The following OSBPL3 variants were observed in gnomAD, a reference collection of about 807,000 sequenced individuals.
OSBPL3 encodes oxysterol binding protein like 3.
Under a neutral mutation model 120.1 loss-of-function variants are expected in OSBPL3, and 65 were observed. The ratio of observed to expected loss-of-function variants is 0.54; its 90% CI spans 0.44 to 0.67. OSBPL3 has a LOEUF of 0.67. Ranked by LOEUF, OSBPL3 falls within the 30% of genes least tolerant of loss-of-function variation. OSBPL3 has a pLI of 0.00. For synonymous variants in OSBPL3, 416 were observed against 402.6 expected, an observed-to-expected ratio of 1.03 and a Z score of -0.40; for missense variants, 1,004 against 1,082.1, an observed-to-expected ratio of 0.93 and a Z score of 1.01.
chr7:24,880,534 A>T (rs1803527870), intron 2 of OSBPL3, among the ~76,000 whole-genome samples: 1 of 152,178 alleles, frequency 6.6e-6, no homozygotes, highest in African/African-American at 2.4e-5. Context: ...CACCCAAGTG[A>T]CTCAAGGGTC....
At chr7:24,832,509 CAAAGAA>C (rs1325235776) in intron 15 of OSBPL3, among the ~76,000 whole-genome samples, 2 of 96,688 alleles carry the variant, frequency 2.1e-5, no homozygotes, top group African/African-American at 7.4e-5. Flanking sequence ...GACTCTGCCT[CAAAGAA>C]AAAAAAAAAA....
intron 1 of OSBPL3, among the ~76,000 whole-genome samples, chr7:24,917,449 A>ATTTG (rs1462268125): frequency 8.4e-6 from 1 of 119,718 alleles, no homozygotes; most frequent in South Asian, 3.1e-4. Flanking sequence ...ATATATATAC[A>ATTTG]CACACATATA....
chr7:24,869,446 T>C (rs1348911719), intron 5 of OSBPL3, among the ~76,000 whole-genome samples: 1 of 152,190 alleles, frequency 6.6e-6, no homozygotes, highest in African/African-American at 2.4e-5. Context: ...TATCTTAAGA[T>C]ATAGGCTTTT....
chr7:24,962,315 G>C (rs1220223603), intron 1 of OSBPL3, among the ~76,000 whole-genome samples: 1 of 147,956 alleles, frequency 6.8e-6, no homozygotes, highest in East Asian at 2.0e-4. Context: ...AATAAAGAAA[G>C]AAAGACAGAA....
chr7:24,844,427 T>C lies in OSBPL3; in HGVS notation c.1267-2014A>G, dbSNP rs1798151864. On this transcript the variant is annotated intron_variant, in intron 12 of 22. Transcript: ENST00000313367. Reference sequence around the variant, plus strand: ...CTATCATTAGTGTTAGTGTATCTTATGTGTAGCCCACAACAATTCTTCTTC... The same window carrying C: ...CTATCATTAGTGTTAGTGTATCTTACGTGTAGCCCACAACAATTCTTCTTC... Among the ~76,000 whole-genome samples the C allele has an allele frequency of 2.0e-5, 3 of 152,032 alleles. No homozygotes were observed. The South Asian group carries it at 6.2e-4, about 31-fold the overall frequency.
Position 24,863,139 on chromosome 7 carries a change from C to T in OSBPL3, c.870+61G>A. 8.4e-7 allele frequency: 1 copy of T among 1,197,334 alleles called. No homozygotes were observed. Among genetic ancestry groups the T allele is most frequent in the East Asian group, 2.3e-5 (1 of 42,956 alleles). 74.2% of individuals were successfully genotyped at this position (1,197,334 alleles called of 1,614,324 possible). A position where few individuals can be genotyped will look rare whatever the true frequency, so the allele number is the denominator to read the frequency against. ...CTAGCTGAGTCAAGGTAGCTGCTGG[C>T]ACACGGCATGCAGAGCAGGGCCAAT... On this transcript the variant is annotated intron_variant, in intron 9 of 22. Coordinates refer to ENST00000313367, the MANE Select transcript of OSBPL3 (RefSeq NM_015550.4). The surrounding 1 kb of genome is among the most constrained non-coding windows in gnomAD (Gnocchi z 5.8).
chr7:24,873,235 G>A lies in OSBPL3; in HGVS notation c.97-1166C>T, dbSNP rs1341135171. ...GACAGTGAGTCTGAACCAGCACCAG[G>A]GAGCAGGAGGCAGTTAGATTCAAGT... On this transcript the variant is annotated intron_variant, in intron 2 of 22. Coordinates refer to ENST00000313367, the MANE Select transcript of OSBPL3 (RefSeq NM_015550.4). The surrounding 1 kb of genome is among the most constrained non-coding windows in gnomAD (Gnocchi z 4.1). Among the ~76,000 whole-genome samples the A allele has an allele frequency of 6.6e-6, 1 of 152,174 alleles. No homozygotes were observed. Among genetic ancestry groups the A allele is most frequent in the Admixed American group, 6.5e-5 (1 of 15,276 alleles).
chr7:24,855,871 C>T lies in OSBPL3; in HGVS notation c.1028-3237G>A, dbSNP rs1165566839. The stretch of plus-strand genomic sequence containing the variant: ...CAATAAATAAAGCCACACAGAAAAT[C>T]TTAGATGCTCAGAGATTACCAAAGC... On this transcript the variant is annotated intron_variant, in intron 10 of 22. Coordinates refer to ENST00000313367, the MANE Select transcript of OSBPL3 (RefSeq NM_015550.4). The surrounding 1 kb of genome is among the most constrained non-coding windows in gnomAD (Gnocchi z 4.3). Among the ~76,000 whole-genome samples the T allele has an allele frequency of 1.3e-5, 2 of 152,160 alleles. No homozygotes were observed.
chr7:24,903,287 AAAT>A (rs754636138), intron 1 of OSBPL3, among the ~76,000 whole-genome samples: 2 of 152,210 alleles, frequency 1.3e-5, no homozygotes, highest in Admixed American at 6.5e-5. Flanking sequence ...TCACACTCAC[AAAT>A]AATAGCCTCT....
Position 24,936,132 on chromosome 7 carries a change from C to A in OSBPL3, c.-149-43511G>T, listed in dbSNP as rs1584672728. Among the ~76,000 whole-genome samples, 2 of 150,898 alleles carry A rather than the reference C, an allele frequency of 1.3e-5. No homozygotes were observed. Among genetic ancestry groups the A allele is most frequent in the Admixed American group, 1.3e-4 (2 of 15,124 alleles). On this transcript the variant is annotated intron_variant, in intron 1 of 22. Coordinates refer to ENST00000313367, the MANE Select transcript of OSBPL3 (RefSeq NM_015550.4). This position sits in a 1 kb window ranked among gnomAD's most constrained non-coding sequence, Gnocchi z 4.2. ...TTTGTATCACTCCCCTAAAACACAA[C>A]CTCTATCAACTTCATAATGAAGGGG...
rs1250910088 is a variant in OSBPL3, at chr7:24,965,935, C to T, written c.-150+13951G>A. Among the ~76,000 whole-genome samples the T allele has an allele frequency of 6.6e-5, 10 of 152,196 alleles. 1 individual carries two copies. In the South Asian group the frequency reaches 1.7e-3, roughly 25 times the overall value. ...ACTTCCCTCAAGGGTGTGTCCCATT[C>T]ATGTGGCCCCACCCCTCCAGCTGGC... On this transcript the variant is annotated intron_variant, in intron 1 of 22. Coordinates refer to ENST00000313367, the MANE Select transcript of OSBPL3 (RefSeq NM_015550.4). The surrounding 1 kb of genome is among the most constrained non-coding windows in gnomAD (Gnocchi z 4.3).
rs186048150 is a variant in OSBPL3, at chr7:24,912,921, C to T, written c.-149-20300G>A. On this transcript the variant is annotated intron_variant, in intron 1 of 22. Coordinates refer to ENST00000313367, the MANE Select transcript of OSBPL3 (RefSeq NM_015550.4). This position sits in a 1 kb window ranked among gnomAD's most constrained non-coding sequence, Gnocchi z 4.5. ...GTAACTTCCACTTGTCCTGTTGTCT[C>T]AGGGTGCTTGCCCTTCAACTCAGCC... 2.5e-3 allele frequency among the ~76,000 whole-genome samples: 377 copies of T among 152,290 alleles called. 1 individual carries two copies. The highest frequency in any genetic ancestry group is 8.8e-3 in the African/African-American group (366 of 41,552).
rs2128248629 is a variant in OSBPL3 at position 24,861,606 on chromosome 7, C to A, written c.1027+7G>T. The A allele has an allele frequency of 1.9e-6, 3 of 1,573,662 alleles. No individual in the cohort carries two copies. Among genetic ancestry groups the A allele is most frequent in the Non-Finnish European group, 2.6e-6 (3 of 1,160,748 alleles). The stretch of plus-strand genomic sequence containing the variant: ...AAACACATTAGGAAGAAAGAAAACT[C>A]ATTTACCTTTATGGGCAATATGACA... On this transcript the variant is annotated splice_region_variant and intron_variant, in intron 10 of 22. Transcript: ENST00000313367.
rs562559174 is a variant in OSBPL3, at chr7:24,868,076, C to T, written c.382-1839G>A. Among the ~76,000 whole-genome samples the T allele has an allele frequency of 1.2e-4, 18 of 152,114 alleles. No homozygotes were observed. In the East Asian group the frequency reaches 2.7e-3, roughly 23 times the overall value. ...GCTCACGCCTGTAACCCCAGCACTT[C>T]GGGAGGCTGAGGAGGGTGGATCATG... On this transcript the variant is annotated intron_variant, in intron 5 of 22. Transcript: ENST00000313367.
intron 1 of OSBPL3, among the ~76,000 whole-genome samples, chr7:24,931,020 C>T (rs1811725490): frequency 6.6e-6 from 1 of 152,320 alleles, no homozygotes; most frequent in African/African-American, 2.4e-5. Flanking sequence ...TGCTCCCAGA[C>T]ATCCATTTCC....
rs117732018 is a variant in OSBPL3, at chr7:24,813,067, T to C, written c.2172+1992A>G. On this transcript the variant is annotated intron_variant, in intron 19 of 22. Transcript: ENST00000313367. This position sits in a 1 kb window ranked among gnomAD's most constrained non-coding sequence, Gnocchi z 4.5. ...CTAATTTTTAAATTTGTTGTAGAGA[T>C]AGGGTCTTGTCAGATTGCCCAGGCT... 0.026 allele frequency among the ~76,000 whole-genome samples: 3,981 copies of C among 152,188 alleles called. 95 individuals are homozygous for C. The highest frequency in any genetic ancestry group is 0.037 in the Non-Finnish European group (2,501 of 68,010).
At chr7:24,924,783 T>C (rs1424569532) in intron 1 of OSBPL3, among the ~76,000 whole-genome samples, 2 of 152,314 alleles carry the variant, frequency 1.3e-5, no homozygotes, top group South Asian at 2.1e-4. Context: ...AGAAGGCTGT[T>C]AGATGCCCAA....
At position 24,861,732 on chromosome 7, in the gene OSBPL3, G is replaced by A. The variant is rs765264812; in HGVS notation, c.908C>T (p.Ser303Phe). The change falls in exon 10 of 23, where the codon TCC becomes TTC. Residue 303 changes from serine to phenylalanine, a missense_variant. Ser to Phe is a radical substitution (Grantham distance 155, BLOSUM62 -2). Around this residue, in one of 4 missense-constraint regions of OSBPL3, gnomAD observed 272 missense variants for 248.8 expected, o/e 1.09. Transcript: ENST00000313367. ...KPFSGPVRLH[S>F]SNPNLSTLDF... is the part of the protein sequence containing the mutation. ...TAGTGTTGACAAATTAGGATTGGAG[G>A]AGTGTAGTCTTACTGGGCCAGAAAA... 5 of 1,608,938 alleles carry A rather than the reference G, an allele frequency of 3.1e-6. No homozygotes were observed. The South Asian group carries it at 5.6e-5, about 18-fold the overall frequency.
At chr7:24,839,476 T>C (rs79770871) in intron 14 of OSBPL3, among the ~76,000 whole-genome samples, 15,110 of 152,252 alleles carry the variant, frequency 0.099, 991 homozygotes, top group Non-Finnish European at 0.15. Flanking sequence ...CAACCAGTAA[T>C]AAAGGGTCAT....
Sources: allele counts gnomAD v4.1 joint callset (sites outside exome capture counted in the v4.1 genomes callset), GRCh38; gene constraint gnomAD v4.1.1; regional missense constraint gnomAD v4.1.1; non-coding constraint Gnocchi (gnomAD v3.1); transcripts MANE v1.5; gene names NCBI Gene and HGNC (gene_info 2026-07-23, HGNC 2026-07-21).